Variants in ZC3H12B observed in about 807,000 individuals in gnomAD.
The protein encoded by ZC3H12B is zinc finger CCCH-type containing 12B.
ZC3H12B carries 7 observed loss-of-function variants against 43.9 expected under a neutral mutation model. That is an observed-to-expected ratio of 0.16 (90% CI 0.09 to 0.30). ZC3H12B has a LOEUF of 0.30. Ranked by LOEUF, ZC3H12B falls within the 10% of genes least tolerant of loss-of-function variation. ZC3H12B has a pLI of 1.00. For synonymous variants in ZC3H12B, 222 were observed against 241.7 expected, an observed-to-expected ratio of 0.92 and a Z score of 0.76; for missense variants, 475 against 670.2, an observed-to-expected ratio of 0.71 and a Z score of 3.22.
At chrX:65,279,248 C>G in the ZC3H12B span, among the ~76,000 whole-genome samples, 1 of 109,305 alleles carries the variant, frequency 9.1e-6, no homozygotes, top group East Asian at 2.9e-4. Context: ...GTAATTTCCA[C>G]TCTCACCAAT....
At chrX:65,123,708 A>T in the ZC3H12B span, among the ~76,000 whole-genome samples, 1 of 102,370 alleles carries the variant, frequency 9.8e-6, no homozygotes, top group Non-Finnish European at 2.0e-5. Flanking sequence ...GGGTAGGTAG[A>T]TTCCTAAGTT....
chrX:65,115,789 A>C, the ZC3H12B span, among the ~76,000 whole-genome samples: 1 of 111,767 alleles, frequency 8.9e-6, no homozygotes, highest in African/African-American at 3.2e-5. Flanking sequence ...TTCGATTTGC[A>C]TCTCCCTGAT....
the ZC3H12B span, among the ~76,000 whole-genome samples, chrX:65,353,062 G>A: frequency 2.7e-5 from 3 of 110,008 alleles, no homozygotes; most frequent in African/African-American, 9.9e-5. Flanking sequence ...TCACCATGTT[G>A]CCCAGGCTGG....
chrX:65,409,106 G>A (rs2066872166), intron 3 of ZC3H12B, among the ~76,000 whole-genome samples: 1 of 110,348 alleles, frequency 9.1e-6, no homozygotes, highest in African/African-American at 3.3e-5. Context: ...TAAATATTGG[G>A]CAAAATTGCA....
the ZC3H12B span, among the ~76,000 whole-genome samples, chrX:65,277,205 T>TA: frequency 8.9e-6 from 1 of 111,803 alleles, no homozygotes; most frequent in East Asian, 2.8e-4. Flanking sequence ...CTGGAGCCCT[T>TA]AAGTATATAA....
chrX:65,256,735 T>A, the ZC3H12B span, among the ~76,000 whole-genome samples: 1 of 111,713 alleles, frequency 9.0e-6, no homozygotes, highest in Non-Finnish European at 1.9e-5. Context: ...ACACAAAAGA[T>A]TCAAGAATCC....
the ZC3H12B span, among the ~76,000 whole-genome samples, chrX:65,221,985 A>G: frequency 8.9e-6 from 1 of 111,783 alleles, no homozygotes; most frequent in African/African-American, 3.2e-5. Context: ...CTAGCATACC[A>G]AAAAGATAAT....
At chrX:65,205,530 A>T in the ZC3H12B span, among the ~76,000 whole-genome samples, 1 of 111,707 alleles carries the variant, frequency 9.0e-6, no homozygotes, top group South Asian at 3.7e-4. Context: ...ACATACCTTG[A>T]TGTAATAAAA....
At position 65,501,239 on chromosome X, in the gene ZC3H12B, CTTTTTTTTTTTTT is replaced by C. The variant is rs770490342; in HGVS notation, c.1091-538_1091-526del. Among the ~76,000 whole-genome samples the C allele has an allele frequency of 9.5e-5, 6 of 63,353 alleles. No homozygotes were observed. In the East Asian group the frequency reaches 2.8e-3, roughly 29 times the overall value. The allele number at this position is 63,353 out of a possible 115,157, so 55.0% of individuals were successfully genotyped here. ...AAAAATTAAAACTGCTCAGCTTTAGCTTTTTTTTTTTTTTTTTTTTTTTTGAGACAGGGTCTTG... is the reference window on the plus strand; with the variant it reads ...AAAAATTAAAACTGCTCAGCTTTAGCTTTTTTTTTTTGAGACAGGGTCTTG... On this transcript the variant is annotated intron_variant, in intron 4 of 4. Coordinates refer to ENST00000338957, the Ensembl canonical transcript of ZC3H12B.
the ZC3H12B span, among the ~76,000 whole-genome samples, chrX:65,060,991 G>C: frequency 9.0e-6 from 1 of 110,864 alleles, no homozygotes; most frequent in African/African-American, 3.3e-5. Context: ...TGTCAATCTT[G>C]GTAGGTTGTA....
chrX:65,115,028 G>A, the ZC3H12B span, among the ~76,000 whole-genome samples: 1 of 99,265 alleles, frequency 1.0e-5, no homozygotes, highest in East Asian at 3.1e-4. Context: ...TATATATTTA[G>A]GGGGCACATG....
At chrX:65,471,850 G>A (rs747318331) in intron 3 of ZC3H12B, among the ~76,000 whole-genome samples, 2 of 111,463 alleles carry the variant, frequency 1.8e-5, no homozygotes, top group African/African-American at 6.5e-5. Flanking sequence ...GGTACTGTTC[G>A]TCATTATGAG....
At chrX:65,269,982 G>A in the ZC3H12B span, among the ~76,000 whole-genome samples, 79 of 111,570 alleles carry the variant, frequency 7.1e-4, 2 homozygotes, top group East Asian at 0.019. Context: ...TAGATTTAAG[G>A]TAGTTTCTAT....
chrX:65,167,635 G>GT, the ZC3H12B span, among the ~76,000 whole-genome samples: 2 of 112,017 alleles, frequency 1.8e-5, no homozygotes, highest in Non-Finnish European at 3.8e-5. Flanking sequence ...ACCTTGGGCA[G>GT]TACGGCTGTT....
chrX:65,179,722 TAAAC>T, the ZC3H12B span, among the ~76,000 whole-genome samples: 1 of 111,628 alleles, frequency 9.0e-6, no homozygotes, highest in Non-Finnish European at 1.9e-5. Context: ...TCTATGCAAA[TAAAC>T]TCTATGCGAA....
chrX:65,073,928 T>C, the ZC3H12B span, among the ~76,000 whole-genome samples: 3 of 111,930 alleles, frequency 2.7e-5, no homozygotes, highest in East Asian at 8.4e-4. Context: ...CTTAGTGCCG[T>C]ACCTCTGAAG....
the ZC3H12B span, among the ~76,000 whole-genome samples, chrX:65,144,329 C>A: frequency 1.8e-5 from 2 of 111,372 alleles, no homozygotes; most frequent in Non-Finnish European, 3.8e-5. Context: ...TCTCCTGTTT[C>A]GTTGCTTATT....
rs1313831891 is a variant in ZC3H12B at position 65,472,878 on chromosome X, T to TTA, written n.408-15758_408-15757dup. On this transcript the variant is annotated intron_variant and non_coding_transcript_variant, in intron 3 of 5. Coordinates refer to the ZC3H12B transcript ENST00000617377. The stretch of plus-strand genomic sequence containing the variant: ...TATATATGTTTGTGTATATATATGT[T>TTA]TATATATATATGTTTGTGTATATAT... Among the ~76,000 whole-genome samples, 292 of 84,700 alleles carry TTA rather than the reference T, an allele frequency of 3.4e-3. 6 individuals are homozygous for TTA. The highest frequency in any genetic ancestry group is 0.013 in the African/African-American group (269 of 20,403). 73.6% of individuals were successfully genotyped at this position (84,700 alleles called of 115,157 possible).
At chrX:65,203,578 C>G in the ZC3H12B span, among the ~76,000 whole-genome samples, 3 of 109,617 alleles carry the variant, frequency 2.7e-5, no homozygotes, top group Non-Finnish European at 5.7e-5. Context: ...CTTCCCTATC[C>G]TACTGTAGCT....
Sources: gnomAD v4.1 joint callset for allele counts (sites outside exome capture counted in the v4.1 genomes callset) on GRCh38, gnomAD v4.1.1 for gene constraint, MANE v1.5 for transcripts, NCBI Gene and HGNC (gene_info 2026-07-23, HGNC 2026-07-21) for gene names.